The following WLS variants were observed in gnomAD, a reference collection of about 807,000 sequenced individuals.
WLS encodes protein wntless homolog.
Under a neutral mutation model 62.8 loss-of-function variants are expected in WLS, and 23 were observed. That is an observed-to-expected ratio of 0.37 (90% CI 0.26 to 0.52). The LOEUF is 0.52. WLS is among the 20% of genes least tolerant of loss of function. WLS has a pLI of 0.92. For missense variants in WLS, 615 were observed against 697.3 expected, an observed-to-expected ratio of 0.88 and a Z score of 1.33; for synonymous variants, 246 against 244.1, an observed-to-expected ratio of 1.01 and a Z score of -0.07.
At chr1:68,196,424 T>A (rs1003996128) in intron 1 of WLS, among the ~76,000 whole-genome samples, 1 of 152,080 alleles carries the variant, frequency 6.6e-6, no homozygotes, top group Admixed American at 6.6e-5. Flanking sequence ...TTTCTGTGCA[T>A]CTGATACTTG....
chr1:68,161,430 G>T (rs12124766), intron 2 of WLS, among the ~76,000 whole-genome samples: 1 of 152,098 alleles, frequency 6.6e-6, no homozygotes, highest in South Asian at 2.1e-4. Flanking sequence ...TTGTAGAGCA[G>T]GGTGTTCAGG....
chr1:68,227,401 G>A (rs1477380107), intron 1 of WLS, among the ~76,000 whole-genome samples: 6 of 65,308 alleles, frequency 9.2e-5, no homozygotes, highest in African/African-American at 2.0e-4. Context: ...ACGAGACTCC[G>A]TCACAAAAAA....
chr1:68,231,452 A>T, intron 1 of WLS: 1 of 242,518 alleles, frequency 4.1e-6, no homozygotes, highest in Non-Finnish European at 8.4e-6. Flanking sequence ...GATATTCACG[A>T]GTGGGCAGGA....
At chr1:68,176,701 T>C (rs1647274151) in intron 2 of WLS, among the ~76,000 whole-genome samples, 1 of 152,254 alleles carries the variant, frequency 6.6e-6, no homozygotes. Context: ...ACATATGTTA[T>C]TTCAGAGCAT....
chr1:68,160,145 A>C, intron 2 of WLS, among the ~76,000 whole-genome samples: 1 of 145,624 alleles, frequency 6.9e-6, no homozygotes, highest in African/African-American at 2.5e-5. Context: ...AATCAACTTC[A>C]AGTTCTTAAC....
chr1:68,225,026 G>A (rs1458793819), intron 1 of WLS, among the ~76,000 whole-genome samples: 1 of 152,104 alleles, frequency 6.6e-6, no homozygotes, highest in Non-Finnish European at 1.5e-5. Flanking sequence ...AGATTCATGT[G>A]AAAATTGAAG....
chr1:68,232,100 G>A, intron 1 of WLS, 94 bp downstream of exon 1: 1 of 1,523,402 alleles, frequency 6.6e-7, no homozygotes, highest in Non-Finnish European at 9.0e-7. Flanking sequence ...ATAGAAGCAA[G>A]GCAGTGATAC....
rs1324814155 is a variant in WLS, at chr1:68,194,155, G to T, written c.179C>A (p.Thr60Lys). The change falls in exon 2 of 12, where the codon ACA becomes AAA. Residue 60 changes from threonine (T) to lysine (K), a missense_variant. Physicochemically the swap from Thr to Lys is moderately conservative, Grantham distance 78 (BLOSUM62 -1). Transcript: ENST00000262348. ...CVDARKNHHKTKWFVPWGPNH... is the reference protein window; with the variant it reads ...CVDARKNHHKKKWFVPWGPNH... Reference sequence around the variant, plus strand: ...GGGTCCCCAAGGCACGAACCATTTTGTCTTGTGATGGTTCTTACGGGCATC... The same window carrying T: ...GGGTCCCCAAGGCACGAACCATTTTTTCTTGTGATGGTTCTTACGGGCATC... 1.9e-6 allele frequency: 3 copies of T among 1,614,090 alleles called. No individual in the cohort carries two copies. In the African/African-American group the frequency reaches 4.0e-5, roughly 22 times the overall value.
At chr1:68,133,853 C>A (rs1646567043) in intron 11 of WLS, among the ~76,000 whole-genome samples, 1 of 152,224 alleles carries the variant, frequency 6.6e-6, no homozygotes, top group Non-Finnish European at 1.5e-5. Flanking sequence ...AGATTCTTTC[C>A]CTTTTCTTAT....
At position 68,125,916 on chromosome 1, in the gene WLS, C is replaced by G. The variant is rs930715309; in HGVS notation, c.*310G>C. 3 of 1,114,702 alleles carry G rather than the reference C, an allele frequency of 2.7e-6. No homozygotes were observed. The highest frequency in any genetic ancestry group is 3.3e-6 in the Non-Finnish European group (3 of 911,114). The allele number at this position is 1,114,702 out of a possible 1,614,324, so 69.1% of individuals were successfully genotyped here. ...TCCCCCAAGGAATACACCCCCACCC[C>G]ACCCCCACATGAGGTTTACTAACCA... On this transcript the variant is annotated 3_prime_UTR_variant, in exon 12 of 12. Transcript: ENST00000262348.
intron 2 of WLS, among the ~76,000 whole-genome samples, chr1:68,161,166 C>T (rs573032440): frequency 2.6e-4 from 39 of 152,218 alleles, no homozygotes; most frequent in Middle Eastern, 3.4e-3. Context: ...ACTGAACTTA[C>T]AACCAACTTG....
intron 6 of WLS, among the ~76,000 whole-genome samples, chr1:68,149,838 G>C (rs556731560): frequency 6.6e-6 from 1 of 152,074 alleles, no homozygotes; most frequent in Non-Finnish European, 1.5e-5. Flanking sequence ...CAAGCTCAAG[G>C]GCAAGAAATA....
intron 2 of WLS, among the ~76,000 whole-genome samples, chr1:68,174,852 C>A (rs1647209846): frequency 6.6e-6 from 1 of 152,180 alleles, no homozygotes; most frequent in Non-Finnish European, 1.5e-5. Flanking sequence ...ATGTAGGAAG[C>A]AAGTTGGGCC....
chr1:68,155,957 A>T lies in WLS; in HGVS notation c.505-697T>A, dbSNP rs1188691021. Among the ~76,000 whole-genome samples, 3 of 152,194 alleles carry T rather than the reference A, an allele frequency of 2.0e-5. 1 individual carries two copies. The East Asian group carries it at 5.8e-4, about 29-fold the overall frequency. On this transcript the variant is annotated intron_variant, in intron 3 of 11. Transcript: ENST00000262348. ...CAGAAGGGAATAGAAGTTTTAATGA[A>T]ATAAGAATTTAGCCCAGTGTCTAGG...
intron 1 of WLS, among the ~76,000 whole-genome samples, chr1:68,197,034 G>A (rs2100613239): frequency 6.6e-6 from 1 of 152,200 alleles, no homozygotes; most frequent in South Asian, 2.1e-4. Flanking sequence ...GCAGAAAATA[G>A]TTACTACATT....
intron 1 of WLS, among the ~76,000 whole-genome samples, chr1:68,214,539 A>G (rs1649654035): frequency 6.6e-6 from 1 of 151,908 alleles, no homozygotes; most frequent in South Asian, 2.1e-4. Context: ...TAATTTTTGT[A>G]TTTTTTAATA....
intron 1 of WLS, among the ~76,000 whole-genome samples, chr1:68,196,748 C>T (rs78175542): frequency 1.3e-5 from 2 of 152,174 alleles, no homozygotes; most frequent in East Asian, 3.9e-4. Flanking sequence ...TACAAGTTGC[C>T]ACTAACCCCT....
At chr1:68,162,193 G>T in intron 2 of WLS, 1 of 1,431,224 alleles carries the variant, frequency 7.0e-7, no homozygotes, top group Non-Finnish European at 9.9e-7. Flanking sequence ...AAAGGGCTCC[G>T]ACTCACGCAC....
intron 1 of WLS, among the ~76,000 whole-genome samples, chr1:68,221,123 A>G (rs970559815): frequency 3.3e-5 from 5 of 152,190 alleles, no homozygotes; most frequent in East Asian, 1.9e-4. Flanking sequence ...TCTTTCATCA[A>G]CTATTACCCA....
Sources: gnomAD v4.1 joint callset for allele counts (sites outside exome capture counted in the v4.1 genomes callset) on GRCh38, gnomAD v4.1.1 for gene constraint, MANE v1.5 for transcripts, NCBI Gene and HGNC (gene_info 2026-07-23, HGNC 2026-07-21) for gene names.